Variants in SEMA5A observed in about 807,000 individuals in gnomAD.
SEMA5A encodes the protein semaphorin 5A.
Under a neutral mutation model 135.5 loss-of-function variants are expected in SEMA5A, and 55 were observed. The observed-to-expected ratio is 0.41, with a 90% CI of 0.33 to 0.51. SEMA5A has a LOEUF of 0.51. Among genes scored for constraint, SEMA5A ranks in the 20% least tolerant of loss-of-function variants. The pLI, the probability that SEMA5A is intolerant of heterozygous loss-of-function variation, is 0.37. For missense variants in SEMA5A, 1,290 were observed against 1,419.9 expected (o/e 0.91, Z 1.47); for synonymous variants, 580 against 546.5 (o/e 1.06, Z -0.85).
intron 1 of SEMA5A, among the ~76,000 whole-genome samples, chr5:9,541,153 C>T (rs1346120287): frequency 7.2e-5 from 11 of 152,216 alleles, no homozygotes; most frequent in Non-Finnish European, 1.2e-4. Context: ...GATTGTCACT[C>T]GCCTATAACT....
At chr5:9,105,202 T>C (rs1215669044) in intron 16 of SEMA5A, among the ~76,000 whole-genome samples, 2 of 152,218 alleles carry the variant, frequency 1.3e-5, no homozygotes, top group Admixed American at 6.5e-5. Flanking sequence ...TAGGGATTCA[T>C]GGAGAGAACT....
rs112463112 is a variant in SEMA5A, at chr5:9,101,405, T to C, written c.2073+6735A>G. Among the ~76,000 whole-genome samples the C allele has an allele frequency of 3.4e-3, 523 of 152,330 alleles. 5 individuals carry two copies. The highest frequency in any genetic ancestry group is 0.012 in the African/African-American group (504 of 41,570). On this transcript the variant is annotated intron_variant, in intron 16 of 22. Coordinates refer to ENST00000382496, the MANE Select transcript of SEMA5A (RefSeq NM_003966.3). The stretch of plus-strand genomic sequence containing the variant: ...AAGTTGGTTACACTAACAACAATAC[T>C]ACTTCATTGGATTATTGGGAGGAAT...
At chr5:9,461,893 G>T (rs1355797674) in intron 1 of SEMA5A, among the ~76,000 whole-genome samples, 1 of 152,154 alleles carries the variant, frequency 6.6e-6, no homozygotes, top group Non-Finnish European at 1.5e-5. Context: ...TACCTAGGAG[G>T]GGACTTCCAC....
At chr5:9,302,831 G>A (rs369859315) in intron 5 of SEMA5A, among the ~76,000 whole-genome samples, 2 of 152,158 alleles carry the variant, frequency 1.3e-5, no homozygotes, top group Admixed American at 6.5e-5. Flanking sequence ...GGAAGAAAAA[G>A]AGGCCGCTTG....
At chr5:9,116,377 G>A (rs1382275841) in intron 15 of SEMA5A, among the ~76,000 whole-genome samples, 3 of 152,182 alleles carry the variant, frequency 2.0e-5, no homozygotes, top group African/African-American at 4.8e-5. Context: ...GCCTCTCTGG[G>A]AGTTGGTGCT....
rs181804419 is a variant in SEMA5A, at chr5:9,103,940, A to G, written c.2073+4200T>C. ...TATGGTTGGCTGAAATGATCACAAT[A>G]TTATAAAAATCAAGAGTGTAAATCA... On this transcript the variant is annotated intron_variant, in intron 16 of 22. Transcript: ENST00000382496. Among the ~76,000 whole-genome samples, 63 of 152,342 alleles carry G rather than the reference A, an allele frequency of 4.1e-4. 3 individuals are homozygous for G. The East Asian group carries it at 0.012, about 29-fold the overall frequency.
intron 8 of SEMA5A, among the ~76,000 whole-genome samples, chr5:9,214,849 G>C (rs1746526781): frequency 6.6e-6 from 1 of 152,198 alleles, no homozygotes; most frequent in Non-Finnish European, 1.5e-5. Context: ...AGCAACACAA[G>C]ATCGAGCTCA....
intron 1 of SEMA5A, among the ~76,000 whole-genome samples, chr5:9,469,607 G>C (rs1195145349): frequency 1.3e-5 from 2 of 152,244 alleles, no homozygotes; most frequent in South Asian, 4.1e-4. Flanking sequence ...CCAGGATACC[G>C]GCCCTAGGGC....
Position 9,227,396 on chromosome 5 carries a change from G to A in SEMA5A, c.334-429C>T, listed in dbSNP as rs1180641561. On this transcript the variant is annotated intron_variant, in intron 6 of 22. Coordinates refer to ENST00000382496, the MANE Select transcript of SEMA5A (RefSeq NM_003966.3). ...GAACCTATTAGATGTCGCTCGGGAA[G>A]CAGTGCCTTGGAAAACTTCCTCAGA... Among the ~76,000 whole-genome samples the A allele has an allele frequency of 7.9e-5, 12 of 152,302 alleles. 1 individual carries two copies. The South Asian group carries it at 2.5e-3, about 32-fold the overall frequency.
At chr5:9,168,179 T>C (rs1743717155) in intron 11 of SEMA5A, among the ~76,000 whole-genome samples, 2 of 151,754 alleles carry the variant, frequency 1.3e-5, no homozygotes, top group South Asian at 2.1e-4. Context: ...TACAGCAGAG[T>C]GGTTCCCAAG....
chr5:9,454,710 C>T (rs552346887), intron 1 of SEMA5A, among the ~76,000 whole-genome samples: 8 of 152,266 alleles, frequency 5.3e-5, no homozygotes, highest in African/African-American at 1.7e-4. Context: ...TAGTCTTAAG[C>T]GCTTCTCCTC....
chr5:9,325,194 A>T (rs995784397), intron 4 of SEMA5A, among the ~76,000 whole-genome samples: 2 of 152,100 alleles, frequency 1.3e-5, no homozygotes, highest in African/African-American at 4.8e-5. Context: ...TTATGGCTAT[A>T]GCAAATAAAA....
Position 9,053,850 on chromosome 5 carries a change from T to A in SEMA5A, c.2689+237A>T, listed in dbSNP as rs1579309632. The A allele has an allele frequency of 7.2e-6, 3 of 415,378 alleles. No individual in the cohort carries two copies. In the East Asian group the frequency reaches 1.1e-4, roughly 16 times the overall value. The allele number at this position is 415,378 out of a possible 1,614,324, so 25.7% of individuals were successfully genotyped here. A position where few individuals can be genotyped will look rare whatever the true frequency, so the allele number is the denominator to read the frequency against. On this transcript the variant is annotated intron_variant, in intron 19 of 22. Transcript: ENST00000382496. ...AACTCGTGCTTGAAGCCTTTAGCAC[T>A]CTCCCATTGCTGGGCTAAAGGCTTT... is the stretch of plus-strand genomic sequence containing the variant.
At chr5:9,236,492 T>C (rs1033871478) in intron 6 of SEMA5A, among the ~76,000 whole-genome samples, 6 of 152,158 alleles carry the variant, frequency 3.9e-5, no homozygotes, top group African/African-American at 1.4e-4. Context: ...AAGGAAACTA[T>C]TTAGAAATCA....
At chr5:9,317,115 A>T (rs960555753) in intron 5 of SEMA5A, among the ~76,000 whole-genome samples, 1 of 152,108 alleles carries the variant, frequency 6.6e-6, no homozygotes, top group African/African-American at 2.4e-5. Flanking sequence ...GATCATTCTG[A>T]TTCCTTAATA....
At chr5:9,208,784 G>T (rs567994398) in intron 8 of SEMA5A, among the ~76,000 whole-genome samples, 1 of 152,110 alleles carries the variant, frequency 6.6e-6, no homozygotes, top group East Asian at 1.9e-4. Context: ...AGACACCAAA[G>T]AGTTTTAAAG....
intron 5 of SEMA5A, among the ~76,000 whole-genome samples, chr5:9,273,311 C>A (rs933675374): frequency 6.6e-6 from 1 of 152,060 alleles, no homozygotes; most frequent in African/African-American, 2.4e-5. Flanking sequence ...AAGAAATGAA[C>A]AAAGCCCCCA....
intron 2 of SEMA5A, among the ~76,000 whole-genome samples, chr5:9,392,420 A>T (rs1756201778): frequency 6.6e-6 from 1 of 152,210 alleles, no homozygotes; most frequent in African/African-American, 2.4e-5. Context: ...AAATAAATAA[A>T]AATATTTCAT....
intron 6 of SEMA5A, among the ~76,000 whole-genome samples, chr5:9,228,308 G>T (rs1226469876): frequency 6.6e-6 from 1 of 152,196 alleles, no homozygotes; most frequent in East Asian, 1.9e-4. Context: ...CTTCCTGGAG[G>T]GGGTGCTTGT....
Sources: allele counts gnomAD v4.1 joint callset (sites outside exome capture counted in the v4.1 genomes callset), GRCh38; gene constraint gnomAD v4.1.1; transcripts MANE v1.5; gene names NCBI Gene and HGNC (gene_info 2026-07-23, HGNC 2026-07-21).